ANO1: variants seen among roughly 807,000 people sequenced by gnomAD.
ANO1 encodes the protein anoctamin 1.
ANO1 carries 59 observed loss-of-function variants against 124.0 expected under a neutral mutation model. That is an observed-to-expected ratio of 0.48 (90% CI 0.39 to 0.59). ANO1 has a LOEUF of 0.59. Ranked by LOEUF, ANO1 falls within the 20% of genes least tolerant of loss-of-function variation. The pLI is 0.00. For synonymous variants in ANO1, 529 were observed against 532.0 expected (o/e 0.99, Z 0.08); for missense variants, 1,059 against 1,328.0 (o/e 0.80, Z 3.15).
chr11:70,121,229 C>T (rs1565220947), intron 8 of ANO1, among the ~76,000 whole-genome samples: 1 of 151,996 alleles, frequency 6.6e-6, no homozygotes, highest in African/African-American at 2.4e-5. Flanking sequence ...CTCTCTATCT[C>T]TGTCTCTCCA....
At chr11:70,130,412 G>A (rs1441164274) in intron 10 of ANO1, among the ~76,000 whole-genome samples, 1 of 152,156 alleles carries the variant, frequency 6.6e-6, no homozygotes, top group Non-Finnish European at 1.5e-5. Context: ...GCAGTGCTTG[G>A]GCTTTGAAGA....
In ANO1 at chr11:70,182,538, C is replaced by T; in HGVS notation, c.2440C>T (p.Arg814Cys). 10 of 1,606,368 alleles carry T rather than the reference C, an allele frequency of 6.2e-6. No individual in the cohort carries two copies. The highest frequency in any genetic ancestry group is 8.5e-6 in the Non-Finnish European group (10 of 1,176,224). The change falls in exon 24 of 26, where the codon CGC (arginine) becomes TGC (cysteine). Residue 814 changes from arginine to cysteine, a missense_variant. Around this residue, in one of 2 missense-constraint regions of ANO1, gnomAD observed 809 missense variants for 1,094.9 expected, o/e 0.74. Transcript: ENST00000355303. ...CTCCTTCACGTCTGACTTCATCCCG[C>T]GCCTGGTGTACCTCTACATGTACAG... ...VISFTSDFIP[R>C]LVYLYMYSKN...
At chr11:70,008,061 A>G (rs1393192832) in intron 1 of ANO1, among the ~76,000 whole-genome samples, 1 of 152,130 alleles carries the variant, frequency 6.6e-6, no homozygotes, top group Admixed American at 6.5e-5. Flanking sequence ...TGTTTTCTTT[A>G]GAGAAATGTC....
At chr11:70,010,179 G>GTGTA in intron 1 of ANO1, among the ~76,000 whole-genome samples, 1,784 of 83,742 alleles carry the variant, frequency 0.021, 154 homozygotes, top group South Asian at 0.14. Context: ...GTGTGTGTGT[G>GTGTA]TATATATATA....
At chr11:70,125,619 C>T (rs1251983685) in intron 9 of ANO1, among the ~76,000 whole-genome samples, 4 of 151,392 alleles carry the variant, frequency 2.6e-5, no homozygotes, top group East Asian at 2.0e-4. Context: ...CCGAAGGGGG[C>T]GGATCACGAG....
the ANO1 span, among the ~76,000 whole-genome samples, chr11:69,977,518 T>C: frequency 6.6e-6 from 1 of 152,200 alleles, no homozygotes; most frequent in Non-Finnish European, 1.5e-5. Flanking sequence ...CCCCCAGCCC[T>C]CCCAGCCTGC....
At chr11:70,048,442 C>T (rs966164199) in intron 1 of ANO1, among the ~76,000 whole-genome samples, 1 of 151,962 alleles carries the variant, frequency 6.6e-6, no homozygotes, top group African/African-American at 2.4e-5. Flanking sequence ...TCTCTGCTTG[C>T]GCTTAATCAA....
intron 2 of ANO1, among the ~76,000 whole-genome samples, chr11:70,095,234 A>G (rs1354045466): frequency 7.5e-6 from 1 of 134,064 alleles, no homozygotes; most frequent in African/African-American, 2.8e-5. Flanking sequence ...GAGAGAGAGG[A>G]AAGAAAGAAA....
At position 70,108,413 on chromosome 11, in the gene ANO1, G is replaced by A. The variant is rs767077417; in HGVS notation, c.799+9G>A. ...GGCCAAGTACAGCATGGGTAAGCAC[G>A]TTTTTGGGGCTTGAGATCAGCATTG... is the stretch of plus-strand genomic sequence containing the variant. On this transcript the variant is annotated intron_variant, in intron 6 of 25. Transcript: ENST00000355303. 6.8e-6 allele frequency: 11 copies of A among 1,610,598 alleles called. No individual in the cohort carries two copies. In the Admixed American group the frequency reaches 1.7e-4, roughly 24 times the overall value.
chr11:70,033,652 T>C (rs1857044191), intron 1 of ANO1, among the ~76,000 whole-genome samples: 1 of 152,050 alleles, frequency 6.6e-6, no homozygotes, highest in African/African-American at 2.4e-5. Context: ...AGCACATGGA[T>C]GGGGGATGCC....
intron 8 of ANO1, among the ~76,000 whole-genome samples, chr11:70,117,359 C>A (rs1236608686): frequency 6.6e-6 from 1 of 152,086 alleles, no homozygotes; most frequent in Non-Finnish European, 1.5e-5. Context: ...GCGTGAGTCA[C>A]CGCACCCAGC....
intron 1 of ANO1, among the ~76,000 whole-genome samples, chr11:70,005,184 T>C (rs1856464484): frequency 6.6e-6 from 1 of 152,138 alleles, no homozygotes; most frequent in Non-Finnish European, 1.5e-5. Context: ...CACTGGCTAC[T>C]GAACATCTCT....
intron 10 of ANO1, among the ~76,000 whole-genome samples, chr11:70,130,315 G>A (rs1009736429): frequency 1.3e-5 from 2 of 152,228 alleles, no homozygotes; most frequent in South Asian, 2.1e-4. Flanking sequence ...GCCACGGAGG[G>A]TATGAGTAGT....
chr11:70,029,692 C>G (rs1023159787), intron 1 of ANO1, among the ~76,000 whole-genome samples: 32 of 152,218 alleles, frequency 2.1e-4, no homozygotes, highest in African/African-American at 7.7e-4. Flanking sequence ...CTTAAGACAG[C>G]AGAAATGTGT....
intron 10 of ANO1, chr11:70,129,793 T>G (rs2046672756): frequency 6.6e-6 from 1 of 152,224 alleles, no homozygotes; most frequent in Non-Finnish European, 1.5e-5. Flanking sequence ...AGGCTAATGT[T>G]TGTATTTTTA....
In ANO1 at chr11:70,103,988, C is replaced by A; in HGVS notation, c.541-11C>A. ...GTGACGCAGCTCCCCGGTCCCTTGT[C>A]TTATCTGCAGATGTACCACATTAAT... On this transcript the variant is annotated splice_polypyrimidine_tract_variant and intron_variant, in intron 3 of 25. Transcript: ENST00000355303. 1 of 1,610,464 alleles carries A rather than the reference C, an allele frequency of 6.2e-7. No individual in the cohort carries two copies. Among genetic ancestry groups the A allele is most frequent in the South Asian group, 1.1e-5 (1 of 90,146 alleles).
At chr11:70,124,746 T>G (rs1246856403) in intron 9 of ANO1, among the ~76,000 whole-genome samples, 1 of 152,058 alleles carries the variant, frequency 6.6e-6, no homozygotes, top group Non-Finnish European at 1.5e-5. Context: ...GCCTCAAATG[T>G]GGAAGGATTT....
intron 1 of ANO1, among the ~76,000 whole-genome samples, chr11:70,061,469 T>C (rs1275196558): frequency 6.0e-5 from 9 of 150,516 alleles, no homozygotes; most frequent in Non-Finnish European, 8.9e-5. Flanking sequence ...TCTCTCTCTC[T>C]CCCCACCTCC....
intron 1 of ANO1, among the ~76,000 whole-genome samples, chr11:70,059,019 T>TAAA (rs782382103): frequency 7.1e-6 from 1 of 139,866 alleles, no homozygotes; most frequent in Non-Finnish European, 1.6e-5. Context: ...CCGTCTCTAC[T>TAAA]AAAAAAAAAA....
Sources: allele counts gnomAD v4.1 joint callset (sites outside exome capture counted in the v4.1 genomes callset), GRCh38; gene constraint gnomAD v4.1.1; regional missense constraint gnomAD v4.1.1; transcripts MANE v1.5; gene names NCBI Gene and HGNC (gene_info 2026-07-23, HGNC 2026-07-21).